Variants in ENTREP2 observed in about 807,000 individuals in gnomAD.
ENTREP2 encodes protein ENTREP2.
the ENTREP2 span, among the ~76,000 whole-genome samples, chr15:29,444,118 C>A: frequency 2.1e-5 from 3 of 140,106 alleles, no homozygotes; most frequent in Admixed American, 2.2e-4. Context: ...GAAAGAAAGA[C>A]AGACAGAAAG....
the ENTREP2 span, chr15:29,126,208 G>T: frequency 1.5e-6 from 2 of 1,330,342 alleles, no homozygotes; most frequent in Non-Finnish European, 2.0e-6. Flanking sequence ...ACTGAGACCT[G>T]CAGCATCCAA....
chr15:29,486,670 G>C, the ENTREP2 span, among the ~76,000 whole-genome samples: 1 of 152,098 alleles, frequency 6.6e-6, no homozygotes, highest in East Asian at 1.9e-4. Flanking sequence ...AGCCTGGGCG[G>C]CAGAGCGAGA....
chr15:29,488,056 A>G, the ENTREP2 span, among the ~76,000 whole-genome samples: 2 of 152,214 alleles, frequency 1.3e-5, no homozygotes, highest in African/African-American at 2.4e-5. Context: ...GCTCATTCAC[A>G]TAAGAAATTA....
chr15:29,135,922 A>G, the ENTREP2 span, among the ~76,000 whole-genome samples: 1 of 151,808 alleles, frequency 6.6e-6, no homozygotes, highest in African/African-American at 2.4e-5. This position sits in a 1 kb window ranked among gnomAD's most constrained non-coding sequence, Gnocchi z 7.4. Context: ...CGGTCCATGG[A>G]CCCAGCTCTG....
At chr15:29,407,375 G>A in the ENTREP2 span, among the ~76,000 whole-genome samples, 5 of 152,156 alleles carry the variant, frequency 3.3e-5, no homozygotes, top group Non-Finnish European at 5.9e-5. Context: ...TGTGGTGTAC[G>A]ACTGTATATC....
the ENTREP2 span, among the ~76,000 whole-genome samples, chr15:29,484,382 G>C: frequency 6.6e-6 from 1 of 152,174 alleles, no homozygotes; most frequent in African/African-American, 2.4e-5. Context: ...CCACAACACA[G>C]CTAGTTCTGG....
chr15:29,667,597 G>A, the ENTREP2 span, among the ~76,000 whole-genome samples: 4 of 136,882 alleles, frequency 2.9e-5, no homozygotes, highest in East Asian at 2.3e-4. Context: ...AGGTTCAAGC[G>A]ATTCTCCTGC....
chr15:29,315,366 G>A, the ENTREP2 span, among the ~76,000 whole-genome samples: 1 of 152,066 alleles, frequency 6.6e-6, no homozygotes, highest in Non-Finnish European at 1.5e-5. Context: ...CCGATGAATT[G>A]ACAGACCAAT....
At chr15:29,571,281 G>C in the ENTREP2 span, among the ~76,000 whole-genome samples, 3 of 152,136 alleles carry the variant, frequency 2.0e-5, no homozygotes, top group African/African-American at 7.2e-5. Flanking sequence ...CTCCGCGGCG[G>C]AGCCCTGGGT....
the ENTREP2 span, among the ~76,000 whole-genome samples, chr15:29,606,129 T>C: frequency 6.6e-6 from 1 of 152,184 alleles, no homozygotes; most frequent in East Asian, 1.9e-4. Flanking sequence ...TTAAGTCTCT[T>C]TTAATCTATA....
At chr15:29,512,386 C>A in the ENTREP2 span, among the ~76,000 whole-genome samples, 1 of 152,204 alleles carries the variant, frequency 6.6e-6, no homozygotes, top group East Asian at 1.9e-4. Flanking sequence ...ACAAGCAAGC[C>A]CAGATAACCA....
At chr15:29,600,999 G>A in the ENTREP2 span, among the ~76,000 whole-genome samples, 92 of 144,644 alleles carry the variant, frequency 6.4e-4, 1 homozygote, top group East Asian at 5.0e-3. Flanking sequence ...CCGGGTTCAC[G>A]CCATTCTCCT....
the ENTREP2 span, among the ~76,000 whole-genome samples, chr15:29,629,691 G>A: frequency 6.6e-6 from 1 of 152,116 alleles, no homozygotes; most frequent in Admixed American, 6.6e-5. Context: ...AATTGCATAA[G>A]GAGAAGGATA....
the ENTREP2 span, among the ~76,000 whole-genome samples, chr15:29,626,587 T>A: frequency 1.3e-5 from 2 of 152,246 alleles, no homozygotes; most frequent in African/African-American, 4.8e-5. Flanking sequence ...ATACAGTATC[T>A]TACTTAGCAT....
At chr15:29,566,911 A>G in the ENTREP2 span, among the ~76,000 whole-genome samples, 2 of 150,754 alleles carry the variant, frequency 1.3e-5, no homozygotes, top group African/African-American at 4.9e-5. Flanking sequence ...CTTTACCAAC[A>G]TATGTAACTG....
At chr15:29,268,991 G>A in the ENTREP2 span, 1 of 1,614,116 alleles carries the variant, frequency 6.2e-7, no homozygotes, top group Non-Finnish European at 8.5e-7. Context: ...TCGGTGTGGG[G>A]TATCCGCCGG....
chr15:29,537,960 T>G, the ENTREP2 span, among the ~76,000 whole-genome samples: 2 of 152,120 alleles, frequency 1.3e-5, no homozygotes, highest in Admixed American at 1.3e-4. Flanking sequence ...ATCACCTCAT[T>G]AATGAGGGCT....
chr15:29,238,806 G>A, the ENTREP2 span, among the ~76,000 whole-genome samples: 1 of 152,040 alleles, frequency 6.6e-6, no homozygotes, highest in Non-Finnish European at 1.5e-5. Context: ...GGAGCGAGGT[G>A]CTACACACTT....
the ENTREP2 span, among the ~76,000 whole-genome samples, chr15:29,391,545 G>A: frequency 3.3e-5 from 5 of 152,134 alleles, no homozygotes; most frequent in Admixed American, 3.3e-4. Context: ...ATACTGAAAG[G>A]TGAAATACAC....
Sources: allele counts gnomAD v4.1 joint callset (sites outside exome capture counted in the v4.1 genomes callset), GRCh38; gene constraint gnomAD v4.1.1; non-coding constraint Gnocchi (gnomAD v3.1); transcripts MANE v1.5; gene names NCBI Gene and HGNC (gene_info 2026-07-23, HGNC 2026-07-21).